The following AP3M2 variants were observed in gnomAD, a reference collection of about 807,000 sequenced individuals.
AP3M2 encodes the protein adaptor related protein complex 3 subunit mu 2, also known as AP-3 complex subunit mu-2.
In AP3M2, 28 loss-of-function variants were observed where a neutral mutation model predicts 41.6. The observed-to-expected ratio is 0.67, with a 90% CI of 0.50 to 0.92. AP3M2 has a LOEUF of 0.92. Among genes scored for constraint, AP3M2 ranks in the 40% least tolerant of loss-of-function variants. The probability of loss-of-function intolerance (pLI) is 0.00; values close to 1 mark genes in which losing one functional copy is unlikely to be tolerated. For missense variants in AP3M2, 427 were observed against 521.4 expected (o/e 0.82, Z 1.76); for synonymous variants, 193 against 186.4 (o/e 1.04, Z -0.29).
intron 4 of AP3M2, among the ~76,000 whole-genome samples, chr8:42,162,943 C>CAGAA (rs1804545765): frequency 1.8e-5 from 1 of 54,224 alleles, no homozygotes; most frequent in Non-Finnish European, 3.5e-5. Flanking sequence ...GACCCTGTCT[C>CAGAA]AAAAAAAAAA....
Position 42,170,972 on chromosome 8 carries a change from A to G in AP3M2, c.*1911A>G, listed in dbSNP as rs531615907. ...AGAAGATATAGAGTGTTTCTAGGGT[A>G]AGGGACCTGCAGGTGTAAGCATAGA... On this transcript the variant is annotated 3_prime_UTR_variant, in exon 9 of 9. Coordinates refer to ENST00000396926, the MANE Select transcript of AP3M2 (RefSeq NM_006803.4). 2 of 152,358 alleles carry G rather than the reference A, an allele frequency of 1.3e-5. No homozygotes were observed. Among genetic ancestry groups the G allele is most frequent in the South Asian group, 4.1e-4 (2 of 4,828 alleles). The allele number at this position is 152,358 out of a possible 1,614,324, so 9.4% of individuals were successfully genotyped here.
In AP3M2 at chr8:42,166,591, C is replaced by CAAAAAAA. The variant is rs56858276; in HGVS notation, c.804-560_804-554dup. ...GCAACATGGCCAAACCTTGTCTCTA[C>CAAAAAAA]AAAAAAAAAAAAAAAAAAAGTAAAA... On this transcript the variant is annotated intron_variant, in intron 6 of 8. Transcript: ENST00000396926. Among the ~76,000 whole-genome samples the CAAAAAAA allele has an allele frequency of 1.9e-3, 149 of 77,060 alleles. 3 individuals carry two copies. The highest frequency in any genetic ancestry group is 6.8e-3 in the East Asian group (17 of 2,492). 50.6% of individuals were successfully genotyped at this position (77,060 alleles called of 152,430 possible).
Position 42,157,990 on chromosome 8 carries a change from T to C in AP3M2, c.323T>C (p.Val108Ala), listed in dbSNP as rs770525839. Residue 108 changes from valine (V) to alanine (A), a missense_variant, in exon 3 of 9, where the codon GTG becomes GCG. By Grantham distance (64) the Val-to-Ala change is moderately conservative (BLOSUM62 0). Transcript: ENST00000396926. ...SEPVIKDNVV[V>A]VYEVLEEMLD... is the part of the protein sequence containing the mutation. Reference sequence around the variant, plus strand: ...CCAGTGATCAAAGACAATGTAGTTGTGGTTTATGAGGTATTGGAAGAGATG... The same window carrying C: ...CCAGTGATCAAAGACAATGTAGTTGCGGTTTATGAGGTATTGGAAGAGATG... 2 of 1,614,216 alleles carry C rather than the reference T, an allele frequency of 1.2e-6. No homozygotes were observed. Among genetic ancestry groups the C allele is most frequent in the South Asian group, 1.1e-5 (1 of 91,090 alleles).
rs1804310684 is a variant in AP3M2 at position 42,154,807 on chromosome 8, T to G, written c.120T>G (p.Thr40=). 6.2e-7 allele frequency: 1 copy of G among 1,614,078 alleles called. No homozygotes were observed. The highest frequency in any genetic ancestry group is 1.7e-5 in the Admixed American group (1 of 60,004). Residue 40 remains threonine (T), a synonymous_variant, in exon 2 of 9, where the codon ACT becomes ACG. Coordinates refer to ENST00000396926, the MANE Select transcript of AP3M2 (RefSeq NM_006803.4). ...DYFFEAQERA[T]EAENVPPVIP... is the part of the protein sequence containing the mutation. The stretch of plus-strand genomic sequence containing the variant: ...TTTTTGAGGCGCAAGAGAGAGCTAC[T>G]GAGGCAGAAAATGTGCCTCCGGTTA...
intron 6 of AP3M2, 162 bp from the exon 7 acceptor site, chr8:42,166,997 AAAATT>A: frequency 1.6e-6 from 1 of 625,612 alleles, no homozygotes; most frequent in Middle Eastern, 4.4e-4. Flanking sequence ...TCAAAAAGAA[AAAATT>A]AGATTACTGG....
chr8:42,155,747 G>A, intron 2 of AP3M2: 8 of 232,624 alleles, frequency 3.4e-5, no homozygotes, highest in South Asian at 3.2e-4. Context: ...CAAATGAGAA[G>A]CGAGGGCCTT....
intron 3 of AP3M2, among the ~76,000 whole-genome samples, chr8:42,160,145 A>G (rs79298505): frequency 0.011 from 1,742 of 152,338 alleles, 28 homozygotes; most frequent in African/African-American, 0.038. Context: ...GGAGGATTTC[A>G]GATTTTTGAA....
At position 42,167,733 on chromosome 8, in the gene AP3M2, T is replaced by G; in HGVS notation, c.1079T>G (p.Leu360Arg). ...CCAAGTTTGAAGGGGACCATGAGTC[T>G]TCAGGCTGGAGCTTCCAAACCAGAT... The part of the protein sequence containing the change: ...KLPSLKGTMS[L>R]QAGASKPDEN... Residue 360 changes from leucine (L) to arginine (R), a missense_variant, in exon 8 of 9, where the codon CTT becomes CGT. This residue lies in a region of AP3M2 where 237 missense variants were observed against 284.9 expected (regional missense o/e 0.83). Transcript: ENST00000396926. 6.2e-7 allele frequency: 1 copy of G among 1,614,162 alleles called. No homozygotes were observed. Among genetic ancestry groups the G allele is most frequent in the South Asian group, 1.1e-5 (1 of 91,072 alleles).
At position 42,168,976 on chromosome 8, in the gene AP3M2, G is replaced by A. The variant is rs761778434; in HGVS notation, c.1172G>A (p.Arg391His). 80 of 1,605,446 alleles carry A rather than the reference G, an allele frequency of 5.0e-5. No individual in the cohort carries two copies. Among genetic ancestry groups the A allele is most frequent in the East Asian group, 6.8e-5 (3 of 44,196 alleles). Residue 391 changes from arginine to histidine, a missense_variant, in exon 9 of 9, where the codon CGT becomes CAT. Arg to His is a conservative substitution (Grantham distance 29). This residue lies in a region of AP3M2 where 237 missense variants were observed against 284.9 expected (regional missense o/e 0.83). Transcript: ENST00000396926. Reference protein sequence around the residue: ...QLAISGLKVNRLDMYGEKYKP... With the variant: ...QLAISGLKVNHLDMYGEKYKP... ...TCCTTTCTAGGACTCAAGGTGAATC[G>A]TCTGGATATGTATGGAGAAAAGTAC... is the stretch of plus-strand genomic sequence containing the variant.
chr8:42,167,549 C>G, intron 7 of AP3M2, 117 bp from the exon 8 acceptor site: 1 of 1,393,192 alleles, frequency 7.2e-7, no homozygotes, highest in Non-Finnish European at 9.8e-7. Flanking sequence ...TACCCAGAGG[C>G]AGCTTATAAT....
rs199826695 is a variant in AP3M2 at position 42,167,361 on chromosome 8, C to T, written c.1001C>T (p.Pro334Leu). ...TPSQGTHTFDPVTKMLSWDVG... is the reference protein window; with the variant it reads ...TPSQGTHTFDLVTKMLSWDVG... ...TCACAGGGGACACACACATTCGACC[C>T]AGTCACAAAGGTAGGGATGAGCAGG... Residue 334 changes from proline to leucine, a missense_variant, in exon 7 of 9, where the codon CCA (proline) becomes CTA (leucine). Physicochemically the swap from Pro to Leu is moderately conservative, Grantham distance 98. Transcript: ENST00000396926. The T allele has an allele frequency of 7.4e-6, 12 of 1,614,052 alleles. No individual in the cohort carries two copies. The highest frequency in any genetic ancestry group is 2.2e-5 in the East Asian group (1 of 44,872).
chr8:42,160,532 A>G (rs532398275), intron 3 of AP3M2, among the ~76,000 whole-genome samples: 4 of 152,376 alleles, frequency 2.6e-5, no homozygotes, highest in South Asian at 2.1e-4. Flanking sequence ...CACAGACTTT[A>G]TAATTATTAG....
chr8:42,167,871 C>T (rs980815232), intron 8 of AP3M2, 61 bp downstream of exon 8: 12 of 1,550,214 alleles, frequency 7.7e-6, no homozygotes, highest in African/African-American at 1.4e-5. Context: ...TGCCATATGG[C>T]GCAGGCACCA....
At chr8:42,162,472 C>G in intron 4 of AP3M2, 54 bp downstream of exon 4, 1 of 1,541,784 alleles carries the variant, frequency 6.5e-7, no homozygotes, top group Non-Finnish European at 8.8e-7. Flanking sequence ...GGACCTCTTT[C>G]ATATAATGCT....
At chr8:42,158,918 C>T (rs552847456) in intron 3 of AP3M2, among the ~76,000 whole-genome samples, 27 of 152,046 alleles carry the variant, frequency 1.8e-4, no homozygotes, top group African/African-American at 5.8e-4. Context: ...CTCAGCCTCC[C>T]GAGTAGCTGG....
intron 2 of AP3M2, 139 bp from the exon 3 acceptor site, chr8:42,157,802 C>A: frequency 2.7e-6 from 2 of 732,514 alleles, no homozygotes; most frequent in Non-Finnish European, 4.2e-6. Context: ...TATGGTTATG[C>A]TGCATTCCCT....
chr8:42,164,067 C>T (rs552514508), intron 4 of AP3M2, among the ~76,000 whole-genome samples: 69 of 152,106 alleles, frequency 4.5e-4, no homozygotes, highest in Non-Finnish European at 6.9e-4. Flanking sequence ...GGAGCAGCTA[C>T]GAGGCTGAAA....
chr8:42,157,187 A>G (rs1490948574), intron 2 of AP3M2, among the ~76,000 whole-genome samples: 1 of 152,264 alleles, frequency 6.6e-6, no homozygotes, highest in Non-Finnish European at 1.5e-5. Context: ...TAGTTTACAA[A>G]GTACATTCAT....
intron 3 of AP3M2, among the ~76,000 whole-genome samples, chr8:42,161,774 TAA>T (rs1451987594): frequency 2.6e-5 from 4 of 152,214 alleles, no homozygotes; most frequent in Admixed American, 1.3e-4. Context: ...CTACAATTCT[TAA>T]AGACAGGGAG....
Sources: gnomAD v4.1 joint callset for allele counts (sites outside exome capture counted in the v4.1 genomes callset) on GRCh38, gnomAD v4.1.1 for gene constraint, gnomAD v4.1.1 regional missense constraint, MANE v1.5 for transcripts, NCBI Gene and HGNC (gene_info 2026-07-23, HGNC 2026-07-21) for gene names.